NRXN3: variants seen among roughly 807,000 people sequenced by gnomAD.
NRXN3 encodes neurexin 3.
In NRXN3, 32 loss-of-function variants were observed where a neutral mutation model predicts 137.6. The observed-to-expected ratio is 0.23, with a 90% CI of 0.18 to 0.31. NRXN3 has a LOEUF of 0.31. Ranked by LOEUF, NRXN3 falls within the 10% of genes least tolerant of loss-of-function variation. NRXN3 has a pLI of 1.00. For synonymous variants in NRXN3, 798 were observed against 784.5 expected (o/e 1.02, Z -0.29); for missense variants, 1,574 against 2,062.5 (o/e 0.76, Z 4.59).
intron 15 of NRXN3, among the ~76,000 whole-genome samples, chr14:79,326,574 A>G (rs926352792): frequency 2.0e-5 from 3 of 152,184 alleles, no homozygotes; most frequent in Non-Finnish European, 4.4e-5. Flanking sequence ...TTCTCAGGAC[A>G]TGACACTTGA....
At chr14:79,639,183 A>C (rs1052067647) in intron 16 of NRXN3, among the ~76,000 whole-genome samples, 3 of 152,166 alleles carry the variant, frequency 2.0e-5, no homozygotes, top group Non-Finnish European at 2.9e-5. Context: ...TTCAAGACAA[A>C]ATTTAAAGAG....
chr14:78,354,256 T>C (rs2083952519), intron 4 of NRXN3, among the ~76,000 whole-genome samples: 1 of 152,208 alleles, frequency 6.6e-6, no homozygotes, highest in Non-Finnish European at 1.5e-5. Context: ...ATCACATCCA[T>C]TGTATTCCAC....
chr14:78,754,835 C>CT (rs36056842), intron 8 of NRXN3, among the ~76,000 whole-genome samples: 12,989 of 143,184 alleles, frequency 0.091, 783 homozygotes, highest in East Asian at 0.2. Context: ...TCAGTATACA[C>CT]TTTTTTTTTT....
intron 4 of NRXN3, among the ~76,000 whole-genome samples, chr14:78,467,426 A>G (rs1018055666): frequency 1.3e-5 from 2 of 152,252 alleles, no homozygotes; most frequent in Non-Finnish European, 2.9e-5. Flanking sequence ...GTATTAATTT[A>G]ATAGACCCAT....
At chr14:78,663,351 A>T (rs2097855822) in intron 6 of NRXN3, among the ~76,000 whole-genome samples, 1 of 152,214 alleles carries the variant, frequency 6.6e-6, no homozygotes, top group African/African-American at 2.4e-5. Context: ...GGGAGACTAG[A>T]TACAATTACC....
At position 79,649,884 on chromosome 14, in the gene NRXN3, A is replaced by G. The variant is rs1274728598; in HGVS notation, c.3445-13894A>G. On this transcript the variant is annotated intron_variant, in intron 16 of 20. Transcript: ENST00000335750. ...ATTGGGTGACTTAAAAACAACAAAT[A>G]TTTATTGCTCCCCATTCTGGAGACT... Among the ~76,000 whole-genome samples, 4 of 152,170 alleles carry G rather than the reference A, an allele frequency of 2.6e-5. No individual in the cohort carries two copies. In the East Asian group the frequency reaches 7.7e-4, roughly 29 times the overall value.
chr14:78,709,525 G>A lies in NRXN3; in HGVS notation c.1530G>A (p.Val510=). Reference sequence around the variant, plus strand: ...ATACAAAAGTAGACTTCTTTGCCGTGGAACTCCTCGATGGCAACCTGTACT... The same window carrying A: ...ATACAAAAGTAGACTTCTTTGCCGTAGAACTCCTCGATGGCAACCTGTACT... ...QKNTKVDFFA[V]ELLDGNLYLL... is the part of the protein sequence containing the mutation. Residue 510 remains valine (V), a synonymous_variant, in exon 7 of 21, where the codon GTG becomes GTA. Coordinates refer to ENST00000335750, the MANE Select transcript of NRXN3 (RefSeq NM_001330195.2). The A allele has an allele frequency of 6.2e-7, 1 of 1,614,014 alleles. No homozygotes were observed. Among genetic ancestry groups the A allele is most frequent in the Non-Finnish European group, 8.5e-7 (1 of 1,180,008 alleles).
chr14:78,312,133 C>A (rs181962381), intron 4 of NRXN3, among the ~76,000 whole-genome samples: 1 of 152,272 alleles, frequency 6.6e-6, no homozygotes, highest in East Asian at 1.9e-4. Context: ...CTGCTGAGAT[C>A]ATTGTTGATA....
intron 15 of NRXN3, among the ~76,000 whole-genome samples, chr14:79,414,362 G>T (rs1235039381): frequency 6.6e-6 from 1 of 152,066 alleles, no homozygotes; most frequent in African/African-American, 2.4e-5. Context: ...GTCAAATAGG[G>T]TGTCTTTTTT....
At position 79,463,392 on chromosome 14, in the gene NRXN3, A is replaced by G. The variant is rs78477243; in HGVS notation, c.3263-3829A>G. Among the ~76,000 whole-genome samples the G allele has an allele frequency of 7.1e-4, 108 of 152,246 alleles. 1 individual carries two copies. The highest frequency in any genetic ancestry group is 1.1e-3 in the Non-Finnish European group (77 of 68,014). The stretch of plus-strand genomic sequence containing the variant: ...GAACACATACCAAAACACTCTGTCA[A>G]TATCACCATCAGCTCCATCACAGTA... On this transcript the variant is annotated intron_variant, in intron 15 of 20. Coordinates refer to ENST00000335750, the MANE Select transcript of NRXN3 (RefSeq NM_001330195.2).
At chr14:79,856,891 G>C (rs964213630) in intron 20 of NRXN3, among the ~76,000 whole-genome samples, 5 of 152,160 alleles carry the variant, frequency 3.3e-5, no homozygotes, top group Non-Finnish European at 4.4e-5. Context: ...TGCCAAAAAG[G>C]GGTATGTATG....
chr14:78,734,798 C>CAG (rs2098534147), intron 8 of NRXN3, among the ~76,000 whole-genome samples: 1 of 152,104 alleles, frequency 6.6e-6, no homozygotes, highest in South Asian at 2.1e-4. Flanking sequence ...GTTCAAGGAA[C>CAG]AGAGGGTAAG....
intron 15 of NRXN3, among the ~76,000 whole-genome samples, chr14:79,259,604 T>TAC (rs2077273570): frequency 6.8e-6 from 1 of 148,086 alleles, no homozygotes; most frequent in Non-Finnish European, 1.5e-5. Flanking sequence ...TATATATATA[T>TAC]AGCTATATAT....
At chr14:79,032,229 C>A (rs1180138430) in intron 15 of NRXN3, among the ~76,000 whole-genome samples, 2 of 152,154 alleles carry the variant, frequency 1.3e-5, no homozygotes, top group Non-Finnish European at 2.9e-5. Flanking sequence ...CCTCCAACAA[C>A]TTGAAGCTTG....
chr14:78,600,278 C>G (rs1169208425), intron 4 of NRXN3, among the ~76,000 whole-genome samples: 9 of 152,148 alleles, frequency 5.9e-5, no homozygotes, highest in African/African-American at 1.9e-4. Flanking sequence ...TTGAAGAGAA[C>G]AGGTGGCTCC....
At chr14:79,422,993 C>A (rs139370105) in intron 15 of NRXN3, among the ~76,000 whole-genome samples, 7 of 152,064 alleles carry the variant, frequency 4.6e-5, no homozygotes, top group Non-Finnish European at 8.8e-5. Flanking sequence ...TCACCGCGCC[C>A]GGCCTAGTCA....
intron 19 of NRXN3, among the ~76,000 whole-genome samples, chr14:79,727,757 T>C (rs1310072763): frequency 1.3e-5 from 2 of 152,170 alleles, no homozygotes; most frequent in Non-Finnish European, 2.9e-5. Flanking sequence ...GAACCCCCAT[T>C]GTGCAAATAT....
chr14:78,186,763 A>G (rs532232053), intron 1 of NRXN3, among the ~76,000 whole-genome samples: 1 of 152,210 alleles, frequency 6.6e-6, no homozygotes, highest in Admixed American at 6.5e-5. Context: ...ACTAAGCTGC[A>G]GTAGGGGAGA....
At chr14:78,412,942 A>G (rs1371511968) in intron 4 of NRXN3, among the ~76,000 whole-genome samples, 10 of 152,136 alleles carry the variant, frequency 6.6e-5, no homozygotes, top group African/African-American at 1.2e-4. Context: ...TTGCTTGACT[A>G]CTTTTTGGTT....
Sources: allele counts gnomAD v4.1 joint callset (sites outside exome capture counted in the v4.1 genomes callset), GRCh38; gene constraint gnomAD v4.1.1; transcripts MANE v1.5; gene names NCBI Gene and HGNC (gene_info 2026-07-23, HGNC 2026-07-21).